Variants in ZFHX3 observed in about 807,000 individuals in gnomAD.
ZFHX3 encodes zinc finger homeobox 3.
Under a neutral mutation model 279.1 loss-of-function variants are expected in ZFHX3, and 42 were observed. The ratio of observed to expected loss-of-function variants is 0.15; its 90% CI spans 0.12 to 0.19. The LOEUF (loss-of-function observed/expected upper bound fraction) is 0.19. Among genes scored for constraint, ZFHX3 ranks in the 10% least tolerant of loss-of-function variants. ZFHX3 has a pLI of 1.00. For synonymous variants in ZFHX3, 2,293 were observed against 1,957.8 expected, an observed-to-expected ratio of 1.17 and a Z score of -4.52; for missense variants, 4,981 against 4,754.0, an observed-to-expected ratio of 1.05 and a Z score of -1.40.
At chr16:73,489,537 T>C (rs1422185411) in intron 2 of ZFHX3, among the ~76,000 whole-genome samples, 1 of 152,246 alleles carries the variant, frequency 6.6e-6, no homozygotes, top group East Asian at 1.9e-4. Flanking sequence ...TATTACCTGA[T>C]GCATTAGATC....
intron 2 of ZFHX3, among the ~76,000 whole-genome samples, chr16:73,605,836 A>G (rs2052173670): frequency 6.6e-6 from 1 of 152,098 alleles, no homozygotes. Context: ...AACCATTTAA[A>G]ATGTAACCAC....
At chr16:73,048,485 CGCCCCGGGAACCG>C (rs1965383013), upstream of ZFHX3, 1 of 152,188 alleles carries the variant, frequency 6.6e-6, no homozygotes, top group Non-Finnish European at 1.5e-5. Flanking sequence ...CGGCCTGCGC[CGCCCCGGGAACCG>C]GCCCCGGCGG....
At chr16:73,827,811 G>C (rs1187561031) in intron 1 of ZFHX3, among the ~76,000 whole-genome samples, 2 of 133,894 alleles carry the variant, frequency 1.5e-5, no homozygotes, top group African/African-American at 5.8e-5. Context: ...GCGGAGGAGA[G>C]TTTTACTTCC....
At chr16:72,925,889 TC>T (rs1011757158) in intron 3 of ZFHX3, among the ~76,000 whole-genome samples, 1 of 152,108 alleles carries the variant, frequency 6.6e-6, no homozygotes, top group African/African-American at 2.4e-5. Context: ...TACTCCCCTG[TC>T]CCCCACTACT....
chr16:72,814,493 G>A (rs1294160272), intron 5 of ZFHX3, among the ~76,000 whole-genome samples: 1 of 152,180 alleles, frequency 6.6e-6, no homozygotes, highest in Admixed American at 6.5e-5. Flanking sequence ...TAGGACCAAA[G>A]AGTCCATCCT....
At chr16:73,777,232 G>A (rs1029693453) in intron 1 of ZFHX3, among the ~76,000 whole-genome samples, 9 of 152,204 alleles carry the variant, frequency 5.9e-5, no homozygotes, top group Non-Finnish European at 1.0e-4. Context: ...GGCTGGGCAC[G>A]GTGGCTCATG....
intron 3 of ZFHX3, among the ~76,000 whole-genome samples, chr16:73,395,422 C>T (rs967329540): frequency 6.6e-6 from 1 of 152,078 alleles, no homozygotes; most frequent in Non-Finnish European, 1.5e-5. Flanking sequence ...CGAGATCACA[C>T]CACTGCACTC....
At chr16:72,961,631 T>C (rs1417216027) in intron 1 of ZFHX3, among the ~76,000 whole-genome samples, 2 of 150,302 alleles carry the variant, frequency 1.3e-5, no homozygotes, top group Non-Finnish European at 3.0e-5. Context: ...TTCTCAATCT[T>C]TTTTTTTTTT....
intron 4 of ZFHX3, among the ~76,000 whole-genome samples, chr16:73,290,538 G>A (rs1277622893): frequency 2.0e-5 from 3 of 152,200 alleles, no homozygotes; most frequent in Admixed American, 6.5e-5. Flanking sequence ...GTAGGTTTCA[G>A]CCTAGTAGGT....
intron 1 of ZFHX3, among the ~76,000 whole-genome samples, chr16:72,998,896 G>T (rs1010622978): frequency 6.6e-6 from 1 of 152,176 alleles, no homozygotes; most frequent in African/African-American, 2.4e-5. Flanking sequence ...TCTGGGGCTT[G>T]TCCACCATTA....
At chr16:73,050,691 A>T (rs1048378305), upstream of ZFHX3, among the ~76,000 whole-genome samples, 3 of 152,058 alleles carry the variant, frequency 2.0e-5, no homozygotes, top group Non-Finnish European at 4.4e-5. Flanking sequence ...CAGCTGCCTG[A>T]TGTTAAACCC....
At chr16:73,734,325 TA>T (rs1246018992) in intron 1 of ZFHX3, among the ~76,000 whole-genome samples, 1 of 152,226 alleles carries the variant, frequency 6.6e-6, no homozygotes, top group Non-Finnish European at 1.5e-5. Flanking sequence ...CTTTAAAAAT[TA>T]TATAAATCCA....
At chr16:73,049,955 C>T (rs1298308871), upstream of ZFHX3, among the ~76,000 whole-genome samples, 7 of 152,156 alleles carry the variant, frequency 4.6e-5, no homozygotes, top group East Asian at 3.8e-4. Flanking sequence ...CTAGCAGGAC[C>T]GCAAGCAACG....
At chr16:72,945,817 C>T (rs554564826) in intron 3 of ZFHX3, among the ~76,000 whole-genome samples, 1 of 152,148 alleles carries the variant, frequency 6.6e-6, no homozygotes, top group East Asian at 1.9e-4. Flanking sequence ...GGACGGTCCC[C>T]AAAGGATGTA....
At chr16:73,581,504 T>C (rs906789824) in intron 2 of ZFHX3, among the ~76,000 whole-genome samples, 4 of 151,808 alleles carry the variant, frequency 2.6e-5, no homozygotes, top group African/African-American at 9.7e-5. Context: ...TACTTTCAGA[T>C]AGGTCCTAAG....
chr16:73,311,497 C>A (rs1261348349), intron 4 of ZFHX3, among the ~76,000 whole-genome samples: 1 of 146,678 alleles, frequency 6.8e-6, no homozygotes, highest in East Asian at 2.0e-4. Flanking sequence ...AGCTGAGGCA[C>A]GAGAATCATT....
intron 1 of ZFHX3, among the ~76,000 whole-genome samples, chr16:73,782,783 T>C (rs767285852): frequency 6.6e-6 from 1 of 152,180 alleles, no homozygotes; most frequent in Non-Finnish European, 1.5e-5. Context: ...ATGACAGACC[T>C]GAAAGACTGG....
chr16:73,129,714 ATGTGTGTGTGTG>A (rs34767541), intron 7 of ZFHX3, among the ~76,000 whole-genome samples: 72 of 147,594 alleles, frequency 4.9e-4, no homozygotes, highest in African/African-American at 1.8e-3. Flanking sequence ...GTGCATGTGT[ATGTGTGTGTGTG>A]TGTGTGTGTG....
intron 2 of ZFHX3, among the ~76,000 whole-genome samples, chr16:73,598,225 A>G (rs2052072348): frequency 6.6e-6 from 1 of 152,156 alleles, no homozygotes; most frequent in Non-Finnish European, 1.5e-5. Flanking sequence ...CAGAGAGCTT[A>G]CCAGCTTGTA....
Sources: allele counts gnomAD v4.1 joint callset (sites outside exome capture counted in the v4.1 genomes callset), GRCh38; gene constraint gnomAD v4.1.1; transcripts MANE v1.5; gene names NCBI Gene and HGNC (gene_info 2026-07-23, HGNC 2026-07-21).